Variants in STXBP5L observed in about 807,000 individuals in gnomAD.
STXBP5L encodes the protein syntaxin binding protein 5L, also known as syntaxin-binding protein 5-like.
STXBP5L carries 65 observed loss-of-function variants against 144.5 expected under a neutral mutation model. The observed-to-expected ratio is 0.45, with a 90% CI of 0.37 to 0.55. STXBP5L has a LOEUF of 0.55. Ranked by LOEUF, STXBP5L falls within the 20% of genes least tolerant of loss-of-function variation. The pLI is 0.00. For missense variants in STXBP5L, 1,298 were observed against 1,405.5 expected (o/e 0.92, Z 1.22); for synonymous variants, 505 against 469.6 (o/e 1.08, Z -0.97).
intron 22 of STXBP5L, among the ~76,000 whole-genome samples, chr3:121,382,576 A>T (rs116613517): frequency 8.6e-4 from 131 of 152,256 alleles, no homozygotes; most frequent in African/African-American, 2.7e-3. Context: ...TCAATAAAAG[A>T]TTATATATAT....
At chr3:120,935,911 C>T (rs959136984) in intron 2 of STXBP5L, among the ~76,000 whole-genome samples, 3 of 151,734 alleles carry the variant, frequency 2.0e-5, no homozygotes, top group South Asian at 4.2e-4. Flanking sequence ...TGGTGTCTGT[C>T]GTTAATTTTG....
intron 20 of STXBP5L, among the ~76,000 whole-genome samples, chr3:121,358,205 ATTCT>A (rs2045591274): frequency 6.6e-6 from 1 of 152,014 alleles, no homozygotes; most frequent in Admixed American, 6.6e-5. Context: ...AGTAGGTCTG[ATTCT>A]TTCTTTCTAA....
chr3:121,214,370 C>T (rs745741090), intron 10 of STXBP5L, among the ~76,000 whole-genome samples: 1 of 152,152 alleles, frequency 6.6e-6, no homozygotes. Context: ...TCTCTAAACA[C>T]TGATTTAGCT....
chr3:120,969,396 GTT>G (rs57093267), intron 3 of STXBP5L, among the ~76,000 whole-genome samples: 6,611 of 131,286 alleles, frequency 0.05, 183 homozygotes, highest in Middle Eastern at 0.1. Context: ...GATTATTTGT[GTT>G]TTTTTTTTTT....
At chr3:121,015,841 T>C (rs1945107408) in intron 3 of STXBP5L, among the ~76,000 whole-genome samples, 1 of 152,128 alleles carries the variant, frequency 6.6e-6, no homozygotes, top group Non-Finnish European at 1.5e-5. Context: ...GCAAAAGGTG[T>C]TACAACTGGA....
chr3:121,317,057 A>T (rs1219247414), intron 19 of STXBP5L, among the ~76,000 whole-genome samples: 5 of 152,210 alleles, frequency 3.3e-5, no homozygotes, highest in African/African-American at 1.2e-4. Flanking sequence ...TTGTATATCT[A>T]GGGTTAAGAC....
chr3:121,374,852 G>A (rs935392158), intron 20 of STXBP5L, among the ~76,000 whole-genome samples: 1 of 151,892 alleles, frequency 6.6e-6, no homozygotes, highest in African/African-American at 2.4e-5. Flanking sequence ...AGGAGTTGTG[G>A]AAAACAAGCA....
chr3:121,260,940 G>A (rs551096840), intron 18 of STXBP5L, among the ~76,000 whole-genome samples: 1 of 152,278 alleles, frequency 6.6e-6, no homozygotes, highest in African/African-American at 2.4e-5. Context: ...GTTGATGGAT[G>A]ATGGGAGAGA....
chr3:121,050,448 G>T (rs1576779928), intron 5 of STXBP5L, among the ~76,000 whole-genome samples: 1 of 152,042 alleles, frequency 6.6e-6, no homozygotes, highest in African/African-American at 2.4e-5. Flanking sequence ...TTAAAGAAAA[G>T]AATTTTCAAC....
chr3:121,001,101 C>T (rs1943737573), intron 3 of STXBP5L, among the ~76,000 whole-genome samples: 1 of 152,200 alleles, frequency 6.6e-6, no homozygotes. Context: ...ATGATCCATG[C>T]CCACATGCAT....
rs943580670 is a variant in STXBP5L at position 121,012,278 on chromosome 3, G to A, written c.288-29422G>A. 2.0e-5 allele frequency among the ~76,000 whole-genome samples: 3 copies of A among 151,692 alleles called. No homozygotes were observed. In the South Asian group the frequency reaches 6.2e-4, roughly 31 times the overall value. On this transcript the variant is annotated intron_variant, in intron 3 of 26. Transcript: ENST00000471454. ...ATAAATCATGCTTCTATGAACATTT[G>A]TGCACAGGCTTTTGTGTGCATATGT...
At chr3:121,398,792 A>G (rs1217611288) in intron 22 of STXBP5L, among the ~76,000 whole-genome samples, 3 of 152,298 alleles carry the variant, frequency 2.0e-5, no homozygotes, top group East Asian at 3.9e-4. Flanking sequence ...GCTTTCCTGA[A>G]TTTAAAAGGA....
chr3:120,983,787 C>T (rs1942030620), intron 3 of STXBP5L, among the ~76,000 whole-genome samples: 2 of 152,134 alleles, frequency 1.3e-5, no homozygotes, highest in Admixed American at 1.3e-4. Flanking sequence ...TGGATTCATT[C>T]TTATTTGCTT....
intron 20 of STXBP5L, among the ~76,000 whole-genome samples, chr3:121,367,057 T>C (rs920518927): frequency 2.6e-5 from 4 of 152,214 alleles, no homozygotes; most frequent in Non-Finnish European, 5.9e-5. Flanking sequence ...CTTTCAGTTG[T>C]TTATGTTCTA....
chr3:121,001,263 G>T (rs755274053), intron 3 of STXBP5L, among the ~76,000 whole-genome samples: 22 of 152,230 alleles, frequency 1.4e-4, no homozygotes, highest in Non-Finnish European at 2.8e-4. Flanking sequence ...TCCAGTAAAA[G>T]AGCTATAGCA....
intron 19 of STXBP5L, among the ~76,000 whole-genome samples, chr3:121,284,308 A>G (rs1479474936): frequency 2.0e-5 from 3 of 151,876 alleles, no homozygotes; most frequent in African/African-American, 7.2e-5. Context: ...TGTTTTACTC[A>G]TATTATCCAC....
At chr3:121,159,130 T>C (rs1165428856) in intron 9 of STXBP5L, among the ~76,000 whole-genome samples, 4 of 151,990 alleles carry the variant, frequency 2.6e-5, no homozygotes, top group African/African-American at 9.7e-5. Context: ...TAGCCATTTT[T>C]ATTTTCTAAA....
chr3:121,123,363 T>C (rs1458957259), intron 7 of STXBP5L, among the ~76,000 whole-genome samples: 2 of 151,648 alleles, frequency 1.3e-5, no homozygotes, highest in Non-Finnish European at 3.0e-5. Context: ...ATGTGACTAA[T>C]GGTGCAAACT....
At chr3:121,236,619 G>C (rs1305656004) in intron 12 of STXBP5L, among the ~76,000 whole-genome samples, 3 of 152,164 alleles carry the variant, frequency 2.0e-5, no homozygotes, top group Admixed American at 2.0e-4. Context: ...TATTCATGAG[G>C]AATCTGCCCC....
Sources: allele counts gnomAD v4.1 joint callset (sites outside exome capture counted in the v4.1 genomes callset), GRCh38; gene constraint gnomAD v4.1.1; transcripts MANE v1.5; gene names NCBI Gene and HGNC (gene_info 2026-07-23, HGNC 2026-07-21).